Variants in RALGPS2 observed in about 807,000 individuals in gnomAD.
The protein encoded by RALGPS2 is ras-specific guanine nucleotide-releasing factor RalGPS2.
A neutral mutation model predicts 86.8 loss-of-function variants in RALGPS2; 43 were observed. The ratio of observed to expected loss-of-function variants is 0.50; its 90% CI spans 0.39 to 0.64. The LOEUF is 0.64. Among genes scored for constraint, RALGPS2 ranks in the 30% least tolerant of loss-of-function variants. RALGPS2 has a pLI of 0.00. For missense variants in RALGPS2, 536 were observed against 694.6 expected, an observed-to-expected ratio of 0.77 and a Z score of 2.57; for synonymous variants, 243 against 231.3, an observed-to-expected ratio of 1.05 and a Z score of -0.46.
chr1:178,817,443 G>A (rs1055624884), intron 6 of RALGPS2, among the ~76,000 whole-genome samples: 10 of 149,508 alleles, frequency 6.7e-5, no homozygotes, highest in African/African-American at 2.5e-4. Context: ...AAAATCACTT[G>A]ATCAAATACG....
intron 8 of RALGPS2, among the ~76,000 whole-genome samples, chr1:178,835,165 A>T (rs916113673): frequency 6.6e-6 from 1 of 152,216 alleles, no homozygotes; most frequent in African/African-American, 2.4e-5. Context: ...TTTTTCAAAA[A>T]TAATACCTTC....
At chr1:178,781,715 A>T (rs2102120874) in intron 2 of RALGPS2, among the ~76,000 whole-genome samples, 1 of 152,358 alleles carries the variant, frequency 6.6e-6, no homozygotes, top group East Asian at 1.9e-4. Context: ...ATTTATGTTT[A>T]TGATTCATGT....
intron 1 of RALGPS2, among the ~76,000 whole-genome samples, chr1:178,740,525 A>T (rs1426089523): frequency 6.6e-6 from 1 of 152,160 alleles, no homozygotes; most frequent in South Asian, 2.1e-4. Context: ...CTGTAAAACT[A>T]AAGTTTAAGG....
chr1:178,813,347 A>G (rs1031879610), intron 6 of RALGPS2, among the ~76,000 whole-genome samples: 1 of 152,138 alleles, frequency 6.6e-6, no homozygotes, highest in African/African-American at 2.4e-5. Context: ...AAAACCACCA[A>G]ATTTTGCTCA....
At chr1:178,787,752 C>G (rs1261576624) in intron 4 of RALGPS2, among the ~76,000 whole-genome samples, 1 of 152,106 alleles carries the variant, frequency 6.6e-6, no homozygotes, top group East Asian at 1.9e-4. Context: ...CTCCTAAGTA[C>G]CTTATCTATC....
intron 8 of RALGPS2, among the ~76,000 whole-genome samples, chr1:178,866,022 A>G (rs1198207875): frequency 6.6e-6 from 1 of 152,168 alleles, no homozygotes; most frequent in East Asian, 1.9e-4. Flanking sequence ...TAACTCTTCC[A>G]GCTACCACCT....
intron 18 of RALGPS2, among the ~76,000 whole-genome samples, chr1:178,905,132 G>A (rs535824714): frequency 3.9e-5 from 6 of 152,072 alleles, no homozygotes; most frequent in East Asian, 3.9e-4. Flanking sequence ...TATAAAAGGC[G>A]TTGAATTCTT....
intron 9 of RALGPS2, 121 bp downstream of exon 9, chr1:178,877,756 T>C: frequency 4.0e-6 from 5 of 1,250,968 alleles, no homozygotes; most frequent in Admixed American, 2.6e-5. Flanking sequence ...TCCATTCTAA[T>C]GTAAAGGAAA....
At chr1:178,893,519 T>C (rs1659809138) in intron 15 of RALGPS2, among the ~76,000 whole-genome samples, 1 of 151,424 alleles carries the variant, frequency 6.6e-6, no homozygotes, top group Admixed American at 6.6e-5. Flanking sequence ...TTTTAACAAA[T>C]AGAATCCTCA....
At chr1:178,767,095 C>A (rs1484100033) in intron 1 of RALGPS2, among the ~76,000 whole-genome samples, 2 of 152,130 alleles carry the variant, frequency 1.3e-5, no homozygotes, top group Non-Finnish European at 2.9e-5. Flanking sequence ...ACCATTTCAT[C>A]TTTTATCTCC....
At chr1:178,800,575 A>T (rs987637161) in intron 4 of RALGPS2, among the ~76,000 whole-genome samples, 1 of 152,236 alleles carries the variant, frequency 6.6e-6, no homozygotes, top group African/African-American at 2.4e-5. Context: ...TACTGTAAGA[A>T]TATAGTGTAT....
chr1:178,916,442 C>A lies in RALGPS2; in HGVS notation c.*83C>A. The A allele has an allele frequency of 7.4e-7, 1 of 1,350,790 alleles. No individual in the cohort carries two copies. Among genetic ancestry groups the A allele is most frequent in the Non-Finnish European group, 1.0e-6 (1 of 972,648 alleles). The allele number at this position is 1,350,790 out of a possible 1,614,324, so 83.7% of individuals were successfully genotyped here. On this transcript the variant is annotated 3_prime_UTR_variant, in exon 20 of 20. Coordinates refer to ENST00000367635, the MANE Select transcript of RALGPS2 (RefSeq NM_152663.5). ...TAAAAGAGCGCCAGCTATAAACCATCCTGTGCCAGGAAGAGCCCAGAGGCT... is the reference window on the plus strand; with the variant it reads ...TAAAAGAGCGCCAGCTATAAACCATACTGTGCCAGGAAGAGCCCAGAGGCT...
At chr1:178,779,022 T>C (rs970566982) in intron 2 of RALGPS2, among the ~76,000 whole-genome samples, 2 of 152,188 alleles carry the variant, frequency 1.3e-5, no homozygotes, top group Non-Finnish European at 2.9e-5. Context: ...ATTTTTACAT[T>C]ACATCATCCT....
intron 8 of RALGPS2, among the ~76,000 whole-genome samples, chr1:178,846,482 A>G (rs1335317471): frequency 6.6e-6 from 1 of 152,170 alleles, no homozygotes; most frequent in East Asian, 1.9e-4. Flanking sequence ...AGCCAGAATT[A>G]CATCCCCATT....
intron 6 of RALGPS2, among the ~76,000 whole-genome samples, chr1:178,818,727 A>G (rs1013066687): frequency 6.6e-6 from 1 of 152,214 alleles, no homozygotes; most frequent in Non-Finnish European, 1.5e-5. Context: ...CGGAGCCTTC[A>G]TCTTTGCCTA....
At chr1:178,915,416 G>A (rs1660775594) in intron 19 of RALGPS2, among the ~76,000 whole-genome samples, 2 of 152,126 alleles carry the variant, frequency 1.3e-5, no homozygotes. Context: ...TGTATTTTCA[G>A]TAGAGATGGA....
intron 15 of RALGPS2, among the ~76,000 whole-genome samples, chr1:178,893,160 C>G (rs1204715975): frequency 6.6e-6 from 1 of 151,818 alleles, no homozygotes; most frequent in Non-Finnish European, 1.5e-5. Flanking sequence ...GTTTTATTGG[C>G]TCATGTAGAA....
chr1:178,746,745 T>G, intron 1 of RALGPS2: 1 of 794,586 alleles, frequency 1.3e-6, no homozygotes, highest in Non-Finnish European at 2.3e-6. Context: ...CTCTATTTCA[T>G]CTGCTGCACC....
At chr1:178,743,997 C>T (rs1210409880) in intron 1 of RALGPS2, among the ~76,000 whole-genome samples, 1 of 152,152 alleles carries the variant, frequency 6.6e-6, no homozygotes, top group African/African-American at 2.4e-5. Context: ...GAAGTACTTC[C>T]TCACTTATTT....
Sources: allele counts gnomAD v4.1 joint callset (sites outside exome capture counted in the v4.1 genomes callset), GRCh38; gene constraint gnomAD v4.1.1; transcripts MANE v1.5; gene names NCBI Gene and HGNC (gene_info 2026-07-23, HGNC 2026-07-21).